The following CEP78 variants were observed in gnomAD, a reference collection of about 807,000 sequenced individuals.
CEP78 encodes centrosomal protein of 78 kDa.
In CEP78, 76 loss-of-function variants were observed where a neutral mutation model predicts 81.2. That is an observed-to-expected ratio of 0.94 (90% CI 0.78 to 1.13). The LOEUF is 1.13. Ranked by LOEUF, CEP78 falls within the 50% of genes most tolerant of loss-of-function variation. CEP78 has a pLI of 0.00. For synonymous variants in CEP78, 293 were observed against 301.4 expected (o/e 0.97, Z 0.29); for missense variants, 918 against 846.8 (o/e 1.08, Z -1.04).
rs1827548551 is a variant in CEP78, at chr9:78,266,622, A to G, written c.2026A>G (p.Thr676Ala). 3 of 1,613,114 alleles carry G rather than the reference A, an allele frequency of 1.9e-6. No individual in the cohort carries two copies. The highest frequency in any genetic ancestry group is 2.5e-6 in the Non-Finnish European group (3 of 1,179,436). ...ARMCSPSPDA[T>A]SGTGSQRKEE... ...AATGTGTTCTCCTTCACCAGATGCGACTTCTGGAACTGGAAGTCAAAGAAA... is the reference window on the plus strand; with the variant it reads ...AATGTGTTCTCCTTCACCAGATGCGGCTTCTGGAACTGGAAGTCAAAGAAA... The change falls in exon 16 of 17, where the codon ACT (threonine) becomes GCT (alanine). Residue 676 changes from threonine to alanine, a missense_variant. By Grantham distance (58) the Thr-to-Ala change is moderately conservative. Coordinates refer to ENST00000643273, the MANE Select transcript of CEP78 (RefSeq NM_001330691.3).
chr9:78,239,168 C>A (rs946884138), intron 1 of CEP78, among the ~76,000 whole-genome samples: 7 of 151,928 alleles, frequency 4.6e-5, no homozygotes, highest in Non-Finnish European at 1.0e-4. Flanking sequence ...TTATCTCTTG[C>A]ATCTAGTGGG....
chr9:78,238,235 G>C (rs564739927), intron 1 of CEP78, among the ~76,000 whole-genome samples: 1 of 152,194 alleles, frequency 6.6e-6, no homozygotes, highest in African/African-American at 2.4e-5. Flanking sequence ...TTACAGCAGC[G>C]TCTGTAAGTG....
At chr9:78,254,643 G>T in intron 10 of CEP78, 193 bp from the exon 11 acceptor site, 1 of 284,026 alleles carries the variant, frequency 3.5e-6, no homozygotes, top group Non-Finnish European at 6.6e-6. Flanking sequence ...TTATATGAGA[G>T]AATTATTTCA....
In CEP78 at chr9:78,271,035, A is replaced by C. The variant is rs976037480; in HGVS notation, c.*184A>C. On this transcript the variant is annotated 3_prime_UTR_variant, in exon 17 of 17. Coordinates refer to ENST00000643273, the MANE Select transcript of CEP78 (RefSeq NM_001330691.3). The stretch of plus-strand genomic sequence containing the variant: ...TTCTGGAGTTTGCCACCAGGCTAAG[A>C]AAGCAGCTATCTGAAGTGGGAGCTC... 4.1e-6 allele frequency: 2 copies of C among 486,160 alleles called. No individual in the cohort carries two copies. Among genetic ancestry groups the C allele is most frequent in the Non-Finnish European group, 7.2e-6 (2 of 279,220 alleles). 30.1% of individuals were successfully genotyped at this position (486,160 alleles called of 1,614,324 possible).
At position 78,240,030 on chromosome 9, in the gene CEP78, C is replaced by T. The variant is rs2118111631; in HGVS notation, c.261C>T (p.Asp87=). The T allele has an allele frequency of 9.5e-6, 15 of 1,571,862 alleles. No individual in the cohort carries two copies. The highest frequency in any genetic ancestry group is 1.3e-5 in the Non-Finnish European group (15 of 1,167,256). The change falls in exon 2 of 17, where the codon GAC becomes GAT. Residue 87 remains aspartate (D), a synonymous_variant. Transcript: ENST00000643273. ...CTTTTATCTTTGTTTTAGGTTCTGA[C>T]ATGAATAAATTTTGCAGAAGTCGTG... ...FQPWLGDTGS[D]MNKFCRSRVP...
chr9:78,250,073 A>G, intron 8 of CEP78: 1 of 386,414 alleles, frequency 2.6e-6, no homozygotes. Flanking sequence ...TAGAAATTCT[A>G]TAATTTTAGT....
intron 8 of CEP78, chr9:78,249,224 T>TTG (rs1554678961): frequency 1.3e-5 from 2 of 151,746 alleles, no homozygotes; most frequent in Non-Finnish European, 2.9e-5. Flanking sequence ...TTTGTATGAT[T>TTG]TTGTTGTTAA....
At chr9:78,267,146 A>G (rs1228566764) in intron 16 of CEP78, 2 of 848,468 alleles carry the variant, frequency 2.4e-6, no homozygotes, top group Admixed American at 2.5e-5. Flanking sequence ...TTATAGTGAA[A>G]TTTTTGGTCT....
At chr9:78,266,363 T>C in intron 15 of CEP78, 79 bp from the exon 16 acceptor site, 5 of 1,051,622 alleles carry the variant, frequency 4.8e-6, no homozygotes, top group Non-Finnish European at 5.5e-6. Flanking sequence ...GATCACAGAA[T>C]AACATTGACG....
Position 78,274,943 on chromosome 9 carries a change from A to G in CEP78, c.*4092A>G, listed in dbSNP as rs527425355. ...CTAAGAAAGAGATAAACCAAAAGAAAGGTGAGGAATTGGTAAAAGCAGAAA... is the reference window on the plus strand; with the variant it reads ...CTAAGAAAGAGATAAACCAAAAGAAGGGTGAGGAATTGGTAAAAGCAGAAA... On this transcript the variant is annotated 3_prime_UTR_variant, in exon 17 of 17. Coordinates refer to ENST00000643273, the MANE Select transcript of CEP78 (RefSeq NM_001330691.3). The G allele has an allele frequency of 6.6e-6, 1 of 152,296 alleles. No individual in the cohort carries two copies. The highest frequency in any genetic ancestry group is 1.5e-5 in the Non-Finnish European group (1 of 68,018). The allele number at this position is 152,296 out of a possible 1,614,324, so 9.4% of individuals were successfully genotyped here.
chr9:78,252,406 A>C (rs998797445), intron 9 of CEP78, among the ~76,000 whole-genome samples: 1 of 152,238 alleles, frequency 6.6e-6, no homozygotes, highest in African/African-American at 2.4e-5. Context: ...AAAGCATAGG[A>C]AATTGTTCAA....
chr9:78,242,479 C>G (rs1254503109), intron 4 of CEP78, among the ~76,000 whole-genome samples: 1 of 152,132 alleles, frequency 6.6e-6, no homozygotes, highest in Non-Finnish European at 1.5e-5. Context: ...ATTAGTTAAC[C>G]GCTCTGTTCC....
intron 6 of CEP78, 25 bp from the exon 7 acceptor site, chr9:78,248,266 A>C (rs1826589581): frequency 7.8e-7 from 1 of 1,283,852 alleles, no homozygotes; most frequent in Admixed American, 1.8e-5. Context: ...TAATTACTAT[A>C]ATTTCAATTT....
rs774106879 is a variant in CEP78 at position 78,265,501 on chromosome 9, A to G, written c.1755A>G (p.Pro585=). The change falls in exon 14 of 17, where the codon CCA becomes CCG. Residue 585 remains proline, a synonymous_variant. Transcript: ENST00000643273. ...AGAAGGCGCTTGAAGATGAAAAACC[A>G]GAACCGAAGCAGAATGCCCTAGGGC... The part of the protein sequence containing the change: ...EEKKALEDEK[P]EPKQNALGQM... 2 of 1,582,642 alleles carry G rather than the reference A, an allele frequency of 1.3e-6. No individual in the cohort carries two copies. The highest frequency in any genetic ancestry group is 1.7e-6 in the Non-Finnish European group (2 of 1,163,760).
chr9:78,256,162 CGCCTA>C (rs1563990419), intron 11 of CEP78, among the ~76,000 whole-genome samples: 1 of 152,182 alleles, frequency 6.6e-6, no homozygotes, highest in African/African-American at 2.4e-5. Context: ...GGAAAACCAT[CGCCTA>C]GAATATACAC....
At chr9:78,263,914 A>G (rs1239017140) in intron 12 of CEP78, 1 of 251,494 alleles carries the variant, frequency 4.0e-6, no homozygotes, top group African/African-American at 2.2e-5. Flanking sequence ...GCTGTTAGAA[A>G]TGTGATCTTT....
At position 78,277,385 on chromosome 9, in the gene CEP78, A is replaced by T. The variant is rs1292012388; in HGVS notation, c.*6534A>T. ...ATAAAGGAGTGGGAAAATACATGTA[A>T]TAGAACAGAAGATTTAAGATAATAT... is the stretch of plus-strand genomic sequence containing the variant. On this transcript the variant is annotated 3_prime_UTR_variant, in exon 17 of 17. Transcript: ENST00000643273. 2 of 152,164 alleles carry T rather than the reference A, an allele frequency of 1.3e-5. No homozygotes were observed. The highest frequency in any genetic ancestry group is 4.8e-5 in the African/African-American group (2 of 41,458). 9.4% of individuals were successfully genotyped at this position (152,164 alleles called of 1,614,324 possible).
At chr9:78,268,582 A>G (rs1451118693) in intron 16 of CEP78, among the ~76,000 whole-genome samples, 1 of 152,118 alleles carries the variant, frequency 6.6e-6, no homozygotes, top group African/African-American at 2.4e-5. Context: ...TTTGATTTTT[A>G]AATGGGACTT....
chr9:78,258,043 C>T (rs963112661), intron 11 of CEP78, among the ~76,000 whole-genome samples: 2 of 152,318 alleles, frequency 1.3e-5, no homozygotes, highest in Non-Finnish European at 2.9e-5. Context: ...TGGTCTGTAG[C>T]TTTGATTATC....
Sources: gnomAD v4.1 joint callset for allele counts (sites outside exome capture counted in the v4.1 genomes callset) on GRCh38, gnomAD v4.1.1 for gene constraint, MANE v1.5 for transcripts, NCBI Gene and HGNC (gene_info 2026-07-23, HGNC 2026-07-21) for gene names.